PCDHGA5: variants seen among roughly 807,000 people sequenced by gnomAD.
The protein encoded by PCDHGA5 is protocadherin gamma subfamily A, 5.
A neutral mutation model predicts 56.7 loss-of-function variants in PCDHGA5; 36 were observed. That is an observed-to-expected ratio of 0.64 (90% CI 0.49 to 0.84). The LOEUF (loss-of-function observed/expected upper bound fraction) is 0.84, where lower values mean the gene tolerates loss of function less well. Ranked by LOEUF, PCDHGA5 falls within the 40% of genes least tolerant of loss-of-function variation. PCDHGA5 has a pLI of 0.00. For synonymous variants in PCDHGA5, 563 were observed against 520.2 expected, an observed-to-expected ratio of 1.08 and a Z score of -1.12; for missense variants, 1,305 against 1,201.5, an observed-to-expected ratio of 1.09 and a Z score of -1.27.
chr5:141,466,297 A>G (rs1206472131), intron 1 of PCDHGA5, among the ~76,000 whole-genome samples: 3 of 152,146 alleles, frequency 2.0e-5, no homozygotes, highest in East Asian at 1.9e-4. Flanking sequence ...CAGGCTCCCA[A>G]GTAGCTGGGA....
chr5:141,377,469 A>C (rs6896353), intron 1 of PCDHGA5: 1 of 151,896 alleles, frequency 6.6e-6, no homozygotes, highest in Non-Finnish European at 1.5e-5. Context: ...TGTGGCGTAC[A>C]CCTGTAGTCC....
chr5:141,440,578 C>T (rs2098188646), intron 1 of PCDHGA5: 1 of 152,138 alleles, frequency 6.6e-6, no homozygotes, highest in Non-Finnish European at 1.5e-5. Flanking sequence ...CTGAGTTTAC[C>T]CAGCTGGAAC....
chr5:141,489,093 A>T lies in PCDHGA5; in HGVS notation c.2422-5714A>T. ...GCCCACCCCCGCCACTCGGTGACTA[A>T]GAACTGCTGCAAGCAGGCAAACCTC... is the stretch of plus-strand genomic sequence containing the variant. On this transcript the variant is annotated intron_variant, in intron 1 of 3. Coordinates refer to ENST00000518069, the MANE Select transcript of PCDHGA5 (RefSeq NM_018918.3). This position sits in a 1 kb window ranked among gnomAD's most constrained non-coding sequence, Gnocchi z 4.5. 2.1e-6 allele frequency: 1 copy of T among 477,272 alleles called. No individual in the cohort carries two copies. Among genetic ancestry groups the T allele is most frequent in the Non-Finnish European group, 3.6e-6 (1 of 276,700 alleles). The allele number at this position is 477,272 out of a possible 1,614,324, so 29.6% of individuals were successfully genotyped here.
At chr5:141,414,439 T>A in intron 1 of PCDHGA5, 1 of 1,613,874 alleles carries the variant, frequency 6.2e-7, no homozygotes, top group East Asian at 2.2e-5. Context: ...GGTATCCTCT[T>A]ACAATATCAC....
intron 1 of PCDHGA5, chr5:141,371,139 G>T: frequency 6.2e-7 from 1 of 1,614,022 alleles, no homozygotes; most frequent in South Asian, 1.1e-5. Context: ...CATGTACAGG[G>T]TCAATGTTGC....
intron 1 of PCDHGA5, among the ~76,000 whole-genome samples, chr5:141,469,909 C>G (rs760329158): frequency 2.0e-5 from 3 of 152,120 alleles, no homozygotes; most frequent in Non-Finnish European, 2.9e-5. Context: ...GGCAGGCAGA[C>G]CACCCGAGGT....
At chr5:141,420,064 C>T (rs1204112062) in intron 1 of PCDHGA5, 1 of 1,614,052 alleles carries the variant, frequency 6.2e-7, no homozygotes, top group Non-Finnish European at 8.5e-7. Context: ...GCTCCAAGTC[C>T]GGACCTGTGG....
Position 141,491,274 on chromosome 5 carries a change from T to C in PCDHGA5, c.2422-3533T>C, listed in dbSNP as rs2099710140. On this transcript the variant is annotated intron_variant, in intron 1 of 3. Transcript: ENST00000518069. The surrounding 1 kb of genome is among the most constrained non-coding windows in gnomAD (Gnocchi z 6.9). ...ACCCTGAGGAAATGCCCAAATCCAG[T>C]GACTTCCTCATACACCCTCCTGAGC... The C allele has an allele frequency of 6.2e-7, 1 of 1,614,102 alleles. No individual in the cohort carries two copies. Among genetic ancestry groups the C allele is most frequent in the Non-Finnish European group, 8.5e-7 (1 of 1,179,914 alleles).
At chr5:141,402,019 C>A (rs1354499456) in intron 1 of PCDHGA5, among the ~76,000 whole-genome samples, 1 of 152,084 alleles carries the variant, frequency 6.6e-6, no homozygotes, top group Non-Finnish European at 1.5e-5. Flanking sequence ...GCATTTGAAT[C>A]ATTGAAACAC....
chr5:141,409,023 A>G, intron 1 of PCDHGA5: 4 of 1,614,044 alleles, frequency 2.5e-6, no homozygotes, highest in Non-Finnish European at 3.4e-6. Flanking sequence ...GAGGGGGTCA[A>G]TGCTGAGATA....
chr5:141,371,438 C>T (rs1441229232), intron 1 of PCDHGA5: 3 of 1,613,764 alleles, frequency 1.9e-6, no homozygotes, highest in African/African-American at 1.3e-5. Flanking sequence ...CGGAGATAAC[C>T]CTGGCTTCTG....
At chr5:141,427,276 T>G (rs1281222927) in intron 1 of PCDHGA5, 1 of 456,754 alleles carries the variant, frequency 2.2e-6, no homozygotes, top group Non-Finnish European at 4.4e-6. Context: ...GAATGTAAAA[T>G]TATACTAGAA....
rs1042010311 is a variant in PCDHGA5 at position 141,364,163 on chromosome 5, A to G, written c.-168A>G. The G allele has an allele frequency of 7.4e-6, 5 of 674,008 alleles. No homozygotes were observed. Among genetic ancestry groups the G allele is most frequent in the African/African-American group, 1.9e-5 (1 of 53,352 alleles). The allele number at this position is 674,008 out of a possible 1,614,324, so 41.8% of individuals were successfully genotyped here. ...TGGGAAAGAAGCTGCCGCAGAGGCG[A>G]CCCGACTCTGCTCCCTCCATACTAA... On this transcript the variant is annotated 5_prime_UTR_variant, in exon 1 of 4. Transcript: ENST00000518069.
rs1437409726 is a variant in PCDHGA5, at chr5:141,471,036, C to T, written c.2422-23771C>T. Among the ~76,000 whole-genome samples the T allele has an allele frequency of 2.8e-5, 4 of 144,908 alleles. No homozygotes were observed. The South Asian group carries it at 6.5e-4, about 24-fold the overall frequency. ...CTGGTCAATCATTTTTATTAACAAG[C>T]CCAAGCCCTCTTTTTTTTTTTTTTT... On this transcript the variant is annotated intron_variant, in intron 1 of 3. Transcript: ENST00000518069.
Position 141,364,611 on chromosome 5 carries a change from A to C in PCDHGA5, c.281A>C (p.Glu94Ala). ...ACCGCGGGCAGGATAGACCGGGAGG[A>C]GCTCTGCGCTCAGAGCCCACTGTGT... ...LVTAGRIDRE[E>A]LCAQSPLCVV... The change falls in exon 1 of 4, where the codon GAG becomes GCG. Residue 94 changes from glutamate to alanine, a missense_variant. By Grantham distance (107) the Glu-to-Ala change is moderately radical. Coordinates refer to ENST00000518069, the MANE Select transcript of PCDHGA5 (RefSeq NM_018918.3). 6.2e-7 allele frequency: 1 copy of C among 1,614,182 alleles called. No individual in the cohort carries two copies. The highest frequency in any genetic ancestry group is 1.3e-5 in the African/African-American group (1 of 75,080).
At chr5:141,473,902 G>C (rs1593464039) in intron 1 of PCDHGA5, among the ~76,000 whole-genome samples, 1 of 152,240 alleles carries the variant, frequency 6.6e-6, no homozygotes, top group South Asian at 2.1e-4. Context: ...GGTTCATGAA[G>C]AGGTCTTAAG....
At chr5:141,474,117 A>C (rs748431734) in intron 1 of PCDHGA5, among the ~76,000 whole-genome samples, 11 of 152,186 alleles carry the variant, frequency 7.2e-5, no homozygotes, top group Non-Finnish European at 1.2e-4. Context: ...ACAACAACGA[A>C]AATCTCAGAA....
chr5:141,396,439 T>C (rs1191341482), intron 1 of PCDHGA5: 1 of 152,138 alleles, frequency 6.6e-6, no homozygotes, highest in African/African-American at 2.4e-5. Flanking sequence ...GCAAACATGG[T>C]GAAACCCCGT....
intron 2 of PCDHGA5, among the ~76,000 whole-genome samples, chr5:141,502,139 C>T (rs923501238): frequency 6.6e-6 from 1 of 152,104 alleles, no homozygotes; most frequent in African/African-American, 2.4e-5. Flanking sequence ...TCAGTCGGGC[C>T]GGAAGTAAGG....
Sources: gnomAD v4.1 joint callset for allele counts (sites outside exome capture counted in the v4.1 genomes callset) on GRCh38, gnomAD v4.1.1 for gene constraint, Gnocchi (gnomAD v3.1) non-coding constraint, MANE v1.5 for transcripts, NCBI Gene and HGNC (gene_info 2026-07-23, HGNC 2026-07-21) for gene names.